The following MUC5B variants were observed in gnomAD, a reference collection of about 807,000 sequenced individuals.
The protein encoded by MUC5B is mucin-5B.
MUC5B carries 116 observed loss-of-function variants against 376.9 expected under a neutral mutation model. The observed-to-expected ratio is 0.31, with a 90% CI of 0.26 to 0.36. MUC5B has a LOEUF of 0.36. MUC5B is among the 10% of genes least tolerant of loss of function. MUC5B has a pLI of 1.00. For synonymous variants in MUC5B, 3,517 were observed against 3,390.9 expected (o/e 1.04, Z -1.29); for missense variants, 7,165 against 7,769.9 (o/e 0.92, Z 2.93).
rs768454396 is a variant in MUC5B, at chr11:1,261,667, G to A, written c.*59G>A. ...CCTGGAGCCAGGATGTGCATTGTCT[G>A]ATCATGAAAACCTTGGGCCTCCTCT... On this transcript the variant is annotated 3_prime_UTR_variant, in exon 49 of 49. Transcript: ENST00000529681. 3 of 1,506,416 alleles carry A rather than the reference G, an allele frequency of 2.0e-6. No individual in the cohort carries two copies. The highest frequency in any genetic ancestry group is 2.7e-6 in the Non-Finnish European group (3 of 1,109,534). 93.3% of individuals were successfully genotyped at this position (1,506,416 alleles called of 1,614,324 possible). A position where few individuals can be genotyped will look rare whatever the true frequency, so the allele number is the denominator to read the frequency against.
Position 1,244,836 on chromosome 11 carries a change from C to G in MUC5B, c.7956C>G (p.Ile2652Met). ...TRGSTVTPSS[I>M]PGTTHTPTVL... The stretch of plus-strand genomic sequence containing the variant: ...GTTCCACGGTGACCCCCTCCTCCAT[C>G]CCGGGGACCACCCACACCCCCACAG... The change falls in exon 31 of 49, where the codon ATC (isoleucine) becomes ATG (methionine). Residue 2652 changes from isoleucine to methionine, a missense_variant. Ile to Met is a conservative substitution (Grantham distance 10). Around this residue, in one of 31 missense-constraint regions of MUC5B, gnomAD observed 141 missense variants for 111.2 expected, o/e 1.27. Coordinates refer to ENST00000529681, the MANE Select transcript of MUC5B (RefSeq NM_002458.3). The G allele has an allele frequency of 6.2e-6, 10 of 1,613,712 alleles. No individual in the cohort carries two copies. The highest frequency in any genetic ancestry group is 8.5e-6 in the Non-Finnish European group (10 of 1,179,776).
rs761463574 is a variant in MUC5B, at chr11:1,248,670, T to C, written c.11790T>C (p.Ser3930=). The change falls in exon 31 of 49, where the codon TCT becomes TCC. Residue 3930 remains serine, a synonymous_variant. Transcript: ENST00000529681. Reference sequence around the variant, plus strand: ...CCACCACAACTGTGGCCACTGGTTCTATGGCAACACCCTCCTCTAGCACAC... The same window carrying C: ...CCACCACAACTGTGGCCACTGGTTCCATGGCAACACCCTCCTCTAGCACAC... ...TTTTTTVATG[S]MATPSSSTQT... 6.1e-5 allele frequency: 98 copies of C among 1,598,526 alleles called. No homozygotes were observed. Among genetic ancestry groups the C allele is most frequent in the Middle Eastern group, 3.3e-4 (2 of 5,972 alleles).
rs762960377 is a variant in MUC5B, at chr11:1,248,699, C to G, written c.11819C>G (p.Thr3940Ser). The change falls in exon 31 of 49, where the codon ACC becomes AGC. Residue 3940 changes from threonine to serine, a missense_variant. Physicochemically the swap from Thr to Ser is moderately conservative, Grantham distance 58. This residue lies in a region of MUC5B where 242 missense variants were observed against 199.0 expected (regional missense o/e 1.22). Coordinates refer to ENST00000529681, the MANE Select transcript of MUC5B (RefSeq NM_002458.3). ...GCAACACCCTCCTCTAGCACACAGA[C>G]CAGTGGTACTCCCCCATCACTGATC... ...SMATPSSSTQ[T>S]SGTPPSLITT... 2.5e-6 allele frequency: 4 copies of G among 1,574,808 alleles called. No homozygotes were observed. In the East Asian group the frequency reaches 7.2e-5, roughly 28 times the overall value.
In MUC5B at chr11:1,248,473, G is replaced by C. The variant is rs375778294; in HGVS notation, c.11593G>C (p.Val3865Leu). ...STPGTAHTTKVPTTTTTGFTV... is the reference protein window; with the variant it reads ...STPGTAHTTKLPTTTTTGFTV... The stretch of plus-strand genomic sequence containing the variant: ...CCCAGGAACAGCTCACACTACCAAA[G>C]TGCCGACTACCACAACCACGGGCTT... The change falls in exon 31 of 49, where the codon GTG (valine) becomes CTG (leucine). Residue 3865 changes from valine to leucine, a missense_variant. This residue lies in a region of MUC5B where 242 missense variants were observed against 199.0 expected (regional missense o/e 1.22). Coordinates refer to ENST00000529681, the MANE Select transcript of MUC5B (RefSeq NM_002458.3). The C allele has an allele frequency of 2.1e-5, 34 of 1,610,356 alleles. No homozygotes were observed. The highest frequency in any genetic ancestry group is 3.3e-5 in the Admixed American group (2 of 59,816).
chr11:1,245,163 C>A lies in MUC5B; in HGVS notation c.8283C>A (p.Pro2761=), dbSNP rs1414845969. 1 of 1,572,988 alleles carries A rather than the reference C, an allele frequency of 6.4e-7. No individual in the cohort carries two copies. The highest frequency in any genetic ancestry group is 1.8e-5 in the Admixed American group (1 of 54,252). ...CCACACACGGGCGATCCCTGTCCCC[C>A]AGCAGTCCCCACACGGTGCGCACAG... is the stretch of plus-strand genomic sequence containing the variant. ...TATTHGRSLS[P]SSPHTVRTAW... The change falls in exon 31 of 49, where the codon CCC becomes CCA. Residue 2761 remains proline, a synonymous_variant. Transcript: ENST00000529681.
chr11:1,260,692 T>A lies in MUC5B; in HGVS notation c.17033T>A (p.Ile5678Asn), dbSNP rs746871790. The change falls in exon 48 of 49, where the codon ATC becomes AAC. Residue 5678 changes from isoleucine (I) to asparagine (N), a missense_variant. Physicochemically the swap from Ile to Asn is moderately radical, Grantham distance 149. This residue lies in a region of MUC5B where 842 missense variants were observed against 1,016.9 expected (regional missense o/e 0.83). Coordinates refer to ENST00000529681, the MANE Select transcript of MUC5B (RefSeq NM_002458.3). ...WHQGCETEVNITFCEGSCPGA... is the reference protein window; with the variant it reads ...WHQGCETEVNNTFCEGSCPGA... ...CAGGGCTGCGAGACCGAGGTCAACA[T>A]CACCTTCTGCGAGGGCTCCTGCCCC... The A allele has an allele frequency of 1.7e-5, 27 of 1,612,248 alleles. No homozygotes were observed. The highest frequency in any genetic ancestry group is 2.7e-5 in the African/African-American group (2 of 74,928).
Position 1,241,898 on chromosome 11 carries a change from G to A in MUC5B, c.5018G>A (p.Gly1673Asp). The change falls in exon 31 of 49, where the codon GGC becomes GAC. Residue 1673 changes from glycine (G) to aspartate (D), a missense_variant. Transcript: ENST00000529681. ...ACCCTTGGTACAGCCACCACGGGAG[G>A]CCCCACGACGCCTGCAGGCTCCACA... ...TSTLGTATTG[G>D]PTTPAGSTEP... 1 of 1,611,132 alleles carries A rather than the reference G, an allele frequency of 6.2e-7. No individual in the cohort carries two copies. Among genetic ancestry groups the A allele is most frequent in the Non-Finnish European group, 8.5e-7 (1 of 1,178,830 alleles).
intron 46 of MUC5B, 25 bp downstream of exon 46, chr11:1,260,110 G>A (rs556883451): frequency 1.9e-6 from 3 of 1,610,216 alleles, no homozygotes; most frequent in African/African-American, 1.3e-5. Context: ...CCCTGCCCCT[G>A]CCTGGGAGTC....
At chr11:1,237,227 G>A in intron 25 of MUC5B, 63 bp downstream of exon 25, 1 of 1,325,354 alleles carries the variant, frequency 7.5e-7, no homozygotes, top group Non-Finnish European at 9.6e-7. Context: ...TTCCCGCCGA[G>A]AACTGGGTCT....
chr11:1,232,167 C>G lies in MUC5B; in HGVS notation c.1843+7C>G, dbSNP rs200877602. Reference sequence around the variant, plus strand: ...TCCCTCAGTGTGGAGAATGGTACTCCTCGCCCCCACCCCCACAGTCACCCC... The same window carrying G: ...TCCCTCAGTGTGGAGAATGGTACTCGTCGCCCCCACCCCCACAGTCACCCC... On this transcript the variant is annotated splice_region_variant and intron_variant, in intron 15 of 48. Transcript: ENST00000529681. 7 of 1,586,168 alleles carry G rather than the reference C, an allele frequency of 4.4e-6. No individual in the cohort carries two copies. The highest frequency in any genetic ancestry group is 6.0e-6 in the Non-Finnish European group (7 of 1,164,710).
At chr11:1,255,641 C>G (rs1862821586) in intron 37 of MUC5B, 83 bp downstream of exon 37, 1 of 421,088 alleles carries the variant, frequency 2.4e-6, no homozygotes, top group Non-Finnish European at 4.1e-6. Context: ...GCCCCGGGCC[C>G]CCCAGACCCC....
Position 1,254,436 on chromosome 11 carries a change from T to C in MUC5B, c.15477+85T>C. The stretch of plus-strand genomic sequence containing the variant: ...CGACTGCAGGCCGGGGTGACCCAGG[T>C]GCCGCAGCGATGGCCCAGTGCCCAA... On this transcript the variant is annotated intron_variant, in intron 34 of 48. Coordinates refer to ENST00000529681, the MANE Select transcript of MUC5B (RefSeq NM_002458.3). 4 of 1,536,602 alleles carry C rather than the reference T, an allele frequency of 2.6e-6. No individual in the cohort carries two copies. The Admixed American group carries it at 7.4e-5, about 28-fold the overall frequency.
Position 1,231,516 on chromosome 11 carries a change from A to G in MUC5B, c.1634A>G (p.Gln545Arg). Residue 545 changes from glutamine to arginine, a missense_variant, in exon 14 of 49, where the codon CAG (glutamine) becomes CGG (arginine). Physicochemically the swap from Gln to Arg is conservative, Grantham distance 43. Around this residue, in one of 31 missense-constraint regions of MUC5B, gnomAD observed 640 missense variants for 733.0 expected, o/e 0.87. Transcript: ENST00000529681. Reference protein sequence around the residue: ...QLLVQLVPLMQVFVRLDPAHQ... With the variant: ...QLLVQLVPLMRVFVRLDPAHQ... ...CTGGTGCAGCTGGTGCCACTCATGCAGGTGTTTGTCAGGCTGGACCCCGCC... is the reference window on the plus strand; with the variant it reads ...CTGGTGCAGCTGGTGCCACTCATGCGGGTGTTTGTCAGGCTGGACCCCGCC... The G allele has an allele frequency of 6.2e-7, 1 of 1,602,264 alleles. No individual in the cohort carries two copies. Among genetic ancestry groups the G allele is most frequent in the Non-Finnish European group, 8.5e-7 (1 of 1,175,576 alleles).
Position 1,233,146 on chromosome 11 carries a change from C to T in MUC5B, c.2199C>T (p.Thr733=). ...SVSFVPVDGC[T]CPAGTFLNDA... The stretch of plus-strand genomic sequence containing the variant: ...CCTTCGTGCCTGTGGACGGCTGCAC[C>T]TGCCCCGCGGGCACCTTCCTCAATG... Residue 733 remains threonine, a synonymous_variant, in exon 18 of 49, where the codon ACC becomes ACT. Transcript: ENST00000529681. 2 of 1,606,822 alleles carry T rather than the reference C, an allele frequency of 1.2e-6. No individual in the cohort carries two copies. Among genetic ancestry groups the T allele is most frequent in the Non-Finnish European group, 1.7e-6 (2 of 1,179,422 alleles).
Position 1,244,895 on chromosome 11 carries a change from G to T in MUC5B, c.8015G>T (p.Gly2672Val), listed in dbSNP as rs764094258. 5 of 1,607,750 alleles carry T rather than the reference G, an allele frequency of 3.1e-6. No individual in the cohort carries two copies. In the South Asian group the frequency reaches 5.5e-5, roughly 18 times the overall value. ...ACCACCACCACAACTGTGGCCACTG[G>T]TTCTATGGCAACACCCTCCTCTAGC... ...LTTTTTTVAT[G>V]SMATPSSSTQ... Residue 2672 changes from glycine (G) to valine (V), a missense_variant, in exon 31 of 49, where the codon GGT becomes GTT. Physicochemically the swap from Gly to Val is moderately radical, Grantham distance 109 (BLOSUM62 -3). This residue lies in a region of MUC5B where 141 missense variants were observed against 111.2 expected (regional missense o/e 1.27). Coordinates refer to ENST00000529681, the MANE Select transcript of MUC5B (RefSeq NM_002458.3).
chr11:1,260,180 ACCCCT>A, intron 46 of MUC5B, 95 bp downstream of exon 46: 2 of 1,408,246 alleles, frequency 1.4e-6, no homozygotes, highest in Non-Finnish European at 1.9e-6. Flanking sequence ...GGGAGGCCCC[ACCCCT>A]GCTGGGGAGG....
Position 1,240,902 on chromosome 11 carries a change from C to A in MUC5B, c.4022C>A (p.Ser1341Tyr), listed in dbSNP as rs1421150422. The change falls in exon 31 of 49, where the codon TCC becomes TAC. Residue 1341 changes from serine to tyrosine, a missense_variant. Coordinates refer to ENST00000529681, the MANE Select transcript of MUC5B (RefSeq NM_002458.3). ...TVCVREVCRW[S>Y]SWYNGHRPEP... ...TGTGTCCGCGAGGTCTGCCGCTGGT[C>A]CAGCTGGTACAATGGGCACCGCCCA... 1 of 1,612,562 alleles carries A rather than the reference C, an allele frequency of 6.2e-7. No homozygotes were observed. Among genetic ancestry groups the A allele is most frequent in the Non-Finnish European group, 8.5e-7 (1 of 1,179,800 alleles).
Position 1,258,795 on chromosome 11 carries a change from C to A in MUC5B, c.16594-147C>A, listed in dbSNP as rs1862916958. ...GTCCCTGTGTGCATCAGCTCCCTGC[C>A]TGCCTGGGTCCATGCTCAGCCAGGG... On this transcript the variant is annotated intron_variant, in intron 43 of 48. Coordinates refer to ENST00000529681, the MANE Select transcript of MUC5B (RefSeq NM_002458.3). The surrounding 1 kb of genome is among the most constrained non-coding windows in gnomAD (Gnocchi z 5.5). The A allele has an allele frequency of 8.5e-7, 1 of 1,172,210 alleles. No homozygotes were observed. The highest frequency in any genetic ancestry group is 1.5e-5 in the African/African-American group (1 of 65,398). The allele number at this position is 1,172,210 out of a possible 1,614,324, so 72.6% of individuals were successfully genotyped here.
intron 23 of MUC5B, among the ~76,000 whole-genome samples, chr11:1,235,699 G>T (rs994621693): frequency 1.1e-4 from 17 of 152,178 alleles, no homozygotes; most frequent in African/African-American, 3.9e-4. Flanking sequence ...GCGTCCCTGG[G>T]CTGTGGCTGC....
Sources: allele counts gnomAD v4.1 joint callset (sites outside exome capture counted in the v4.1 genomes callset), GRCh38; gene constraint gnomAD v4.1.1; regional missense constraint gnomAD v4.1.1; non-coding constraint Gnocchi (gnomAD v3.1); transcripts MANE v1.5; gene names NCBI Gene and HGNC (gene_info 2026-07-23, HGNC 2026-07-21).